FOXN2: variants seen among roughly 807,000 people sequenced by gnomAD.
FOXN2 encodes forkhead box protein N2.
A neutral mutation model predicts 41.2 loss-of-function variants in FOXN2; 19 were observed. The observed-to-expected ratio is 0.46, with a 90% confidence interval of 0.32 to 0.68. The LOEUF (loss-of-function observed/expected upper bound fraction) is 0.68, where lower values mean the gene tolerates loss of function less well. Ranked by LOEUF, FOXN2 falls within the 30% of genes least tolerant of loss-of-function variation. The probability of loss-of-function intolerance (pLI) is 0.03; values close to 1 mark genes in which losing one functional copy is unlikely to be tolerated. For missense variants in FOXN2, 587 were observed against 509.4 expected, an observed-to-expected ratio of 1.15 and a Z score of -1.47; for synonymous variants, 195 against 176.8, an observed-to-expected ratio of 1.10 and a Z score of -0.82.
At chr2:48,371,486 G>A (rs1672891777) in intron 5 of FOXN2, among the ~76,000 whole-genome samples, 2 of 152,012 alleles carry the variant, frequency 1.3e-5, no homozygotes. Flanking sequence ...TTTTATGCCA[G>A]TACCTTGCTT....
chr2:48,313,904 C>A (rs1558602387), upstream of FOXN2, among the ~76,000 whole-genome samples: 1 of 152,140 alleles, frequency 6.6e-6, no homozygotes, highest in African/African-American at 2.4e-5. Context: ...TTTAAATGAG[C>A]TCTCCTGTAT....
At position 48,362,634 on chromosome 2, in the gene FOXN2, G is replaced by C. The variant is rs112259356; in HGVS notation, c.639-9G>C. 60 of 1,612,754 alleles carry C rather than the reference G, an allele frequency of 3.7e-5. 1 individual carries two copies. In the African/African-American group the frequency reaches 4.7e-4, roughly 13 times the overall value. On this transcript the variant is annotated splice_polypyrimidine_tract_variant and intron_variant, in intron 4 of 6. Coordinates refer to ENST00000340553, the MANE Select transcript of FOXN2 (RefSeq NM_002158.4). ...TATAAGCATATTTGCTTTTCTGTTT[G>C]TTTTTCAGTGGTTCTTTATCACCTC...
intron 1 of FOXN2, among the ~76,000 whole-genome samples, chr2:48,320,585 T>C (rs921226356): frequency 6.6e-6 from 1 of 152,238 alleles, no homozygotes; most frequent in African/African-American, 2.4e-5. Context: ...CCACTGCACC[T>C]GGCCATAATT....
intron 5 of FOXN2, among the ~76,000 whole-genome samples, chr2:48,365,635 G>C (rs375849174): frequency 1.3e-5 from 2 of 152,048 alleles, no homozygotes; most frequent in Non-Finnish European, 2.9e-5. Flanking sequence ...CTAATGACTT[G>C]TACGTATTAT....
intron 4 of FOXN2, 33 bp from the exon 5 acceptor site, chr2:48,362,607 TTTA>T: frequency 6.3e-7 from 1 of 1,582,742 alleles, no homozygotes; most frequent in Non-Finnish European, 8.7e-7. Flanking sequence ...AGTAAACATT[TTTA>T]TAAGCATATT....
chr2:48,317,899 G>A (rs1298057499), intron 1 of FOXN2, among the ~76,000 whole-genome samples: 3 of 151,758 alleles, frequency 2.0e-5, no homozygotes, highest in East Asian at 1.9e-4. Flanking sequence ...GAACCACCAC[G>A]CCCGGCTTAT....
chr2:48,341,729 C>G (rs1173411891), intron 2 of FOXN2, among the ~76,000 whole-genome samples: 1 of 152,170 alleles, frequency 6.6e-6, no homozygotes, highest in Non-Finnish European at 1.5e-5. Flanking sequence ...GTGTACCGTA[C>G]TGTCTTTTCA....
At chr2:48,319,626 T>A (rs1669156722) in intron 1 of FOXN2, among the ~76,000 whole-genome samples, 1 of 150,408 alleles carries the variant, frequency 6.6e-6, no homozygotes, top group African/African-American at 2.4e-5. Flanking sequence ...CTTTTTTTTT[T>A]TTTTTGAGAC....
intron 3 of FOXN2, 48 bp downstream of exon 3, chr2:48,346,799 T>C: frequency 1.4e-6 from 2 of 1,450,588 alleles, no homozygotes; most frequent in Non-Finnish European, 1.8e-6. Context: ...GGGGGACTAA[T>C]TAACATGGAG....
intron 3 of FOXN2, among the ~76,000 whole-genome samples, chr2:48,347,187 G>T (rs558796987): frequency 1.4e-3 from 196 of 143,512 alleles, no homozygotes; most frequent in African/African-American, 4.9e-3. Flanking sequence ...GTGGGATGAG[G>T]TGTTCTTCAC....
At chr2:48,354,716 A>C (rs987070318) in intron 3 of FOXN2, among the ~76,000 whole-genome samples, 45 of 152,382 alleles carry the variant, frequency 3.0e-4, no homozygotes, top group African/African-American at 1.0e-3. Context: ...GTATACCATT[A>C]TAGAAGAAAC....
chr2:48,325,738 C>T (rs1227986145), intron 1 of FOXN2, among the ~76,000 whole-genome samples: 1 of 151,910 alleles, frequency 6.6e-6, no homozygotes, highest in Non-Finnish European at 1.5e-5. Flanking sequence ...TGTATTAAAC[C>T]ATCTCAGGTG....
In FOXN2 at chr2:48,346,643, G is replaced by T. The variant is rs1176324709; in HGVS notation, c.429G>T (p.Leu143=). Residue 143 remains leucine, a synonymous_variant, in exon 3 of 7, where the codon CTG becomes CTT. Transcript: ENST00000340553. Reference sequence around the variant, plus strand: ...TCAAAGAAATTTATAGCTGGATTCTGGACCATTTTCCATATTTTGCTACTG... The same window carrying T: ...TCAAAGAAATTTATAGCTGGATTCTTGACCATTTTCCATATTTTGCTACTG... ...LPVKEIYSWI[L]DHFPYFATAP... 6.2e-7 allele frequency: 1 copy of T among 1,613,976 alleles called. No individual in the cohort carries two copies. Among genetic ancestry groups the T allele is most frequent in the African/African-American group, 1.3e-5 (1 of 74,914 alleles).
In FOXN2 at chr2:48,377,170, A is replaced by G. The variant is rs916153410; in HGVS notation, c.*1727A>G. ...GTGCTGTCAAAATATAGTAATTTTT[A>G]AATTTGTTAATAATGAAAACCCTTA... On this transcript the variant is annotated 3_prime_UTR_variant, in exon 7 of 7. Transcript: ENST00000340553. 1.1e-4 allele frequency: 16 copies of G among 152,094 alleles called. No homozygotes were observed. Among genetic ancestry groups the G allele is most frequent in the Admixed American group, 4.6e-4 (7 of 15,274 alleles). The allele number at this position is 152,094 out of a possible 1,614,324, so 9.4% of individuals were successfully genotyped here.
Position 48,378,506 on chromosome 2 carries a change from C to A in FOXN2, c.*3063C>A, listed in dbSNP as rs928255125. The A allele has an allele frequency of 6.6e-6, 1 of 151,622 alleles. No individual in the cohort carries two copies. Among genetic ancestry groups the A allele is most frequent in the Non-Finnish European group, 1.5e-5 (1 of 67,814 alleles). 9.4% of individuals were successfully genotyped at this position (151,622 alleles called of 1,614,324 possible). On this transcript the variant is annotated 3_prime_UTR_variant, in exon 7 of 7. Coordinates refer to ENST00000340553, the MANE Select transcript of FOXN2 (RefSeq NM_002158.4). The stretch of plus-strand genomic sequence containing the variant: ...TGTGTTAAGGAGGGAATGTATATGT[C>A]TTGGTAGACCAGGAGGCCTTTGCCA...
intron 2 of FOXN2, among the ~76,000 whole-genome samples, chr2:48,332,822 A>G (rs894279841): frequency 6.6e-6 from 1 of 152,130 alleles, no homozygotes; most frequent in African/African-American, 2.4e-5. Context: ...TAAGAATCCT[A>G]TGAAAGTAGG....
chr2:48,339,973 C>A (rs184265482), intron 2 of FOXN2, among the ~76,000 whole-genome samples: 42 of 152,164 alleles, frequency 2.8e-4, no homozygotes, highest in Middle Eastern at 3.4e-3. Flanking sequence ...TTAATGAATT[C>A]GATGGGGGAA....
intron 3 of FOXN2, among the ~76,000 whole-genome samples, chr2:48,354,845 A>ACTAGT (rs1296491586): frequency 6.6e-6 from 1 of 152,244 alleles, no homozygotes; most frequent in African/African-American, 2.4e-5. Context: ...TGTTTATCTT[A>ACTAGT]CTAGTAATGT....
chr2:48,319,616 CTTT>C (rs35143943), intron 1 of FOXN2, among the ~76,000 whole-genome samples: 3 of 133,902 alleles, frequency 2.2e-5, no homozygotes, highest in Non-Finnish European at 3.2e-5. Context: ...TATTTAAATT[CTTT>C]TTTTTTTTTT....
Sources: allele counts gnomAD v4.1 joint callset (sites outside exome capture counted in the v4.1 genomes callset), GRCh38; gene constraint gnomAD v4.1.1; transcripts MANE v1.5; gene names NCBI Gene and HGNC (gene_info 2026-07-23, HGNC 2026-07-21).